The following CACNA2D3 variants were observed in gnomAD, a reference collection of about 807,000 sequenced individuals.
CACNA2D3 encodes calcium voltage-gated channel auxiliary subunit alpha2delta 3.
A neutral mutation model predicts 160.6 loss-of-function variants in CACNA2D3; 60 were observed. The ratio of observed to expected loss-of-function variants is 0.37; its 90% CI spans 0.30 to 0.46. The LOEUF is 0.46. Among genes scored for constraint, CACNA2D3 ranks in the 20% least tolerant of loss-of-function variants. The pLI is 1.00. For missense variants in CACNA2D3, 1,205 were observed against 1,365.0 expected, an observed-to-expected ratio of 0.88 and a Z score of 1.85; for synonymous variants, 558 against 492.9, an observed-to-expected ratio of 1.13 and a Z score of -1.75.
At chr3:54,606,417 G>T (rs1698626543) in intron 9 of CACNA2D3, among the ~76,000 whole-genome samples, 1 of 152,162 alleles carries the variant, frequency 6.6e-6, no homozygotes, top group Non-Finnish European at 1.5e-5. Flanking sequence ...TCAGGAAACA[G>T]AGGATGGTGG....
intron 2 of CACNA2D3, among the ~76,000 whole-genome samples, chr3:54,252,861 C>T (rs957900132): frequency 1.4e-5 from 2 of 146,130 alleles, no homozygotes; most frequent in African/African-American, 2.5e-5. Flanking sequence ...AAGAGAAGTG[C>T]AGCAGGATTA....
In CACNA2D3 at chr3:54,128,610, T is replaced by C. The variant is rs184704260; in HGVS notation, c.204+5016T>C. The stretch of plus-strand genomic sequence containing the variant: ...GCTATGATGCCAACAAACGGGCTTT[T>C]TCTTCACCCCAGCACATCTCCTCTG... On this transcript the variant is annotated intron_variant, in intron 2 of 37. Coordinates refer to ENST00000474759, the MANE Select transcript of CACNA2D3 (RefSeq NM_018398.3). 2.6e-5 allele frequency among the ~76,000 whole-genome samples: 4 copies of C among 152,324 alleles called. No homozygotes were observed. The South Asian group carries it at 6.2e-4, about 24-fold the overall frequency.
At chr3:54,244,151 A>G (rs1702025174) in intron 2 of CACNA2D3, among the ~76,000 whole-genome samples, 1 of 152,242 alleles carries the variant, frequency 6.6e-6, no homozygotes, top group East Asian at 1.9e-4. Context: ...GCGACCGTGG[A>G]GTGAGCGCCC....
intron 14 of CACNA2D3, among the ~76,000 whole-genome samples, chr3:54,830,715 G>A (rs910211341): frequency 3.9e-5 from 6 of 152,032 alleles, no homozygotes; most frequent in African/African-American, 1.4e-4. Context: ...CAAAGTGCTG[G>A]GATTTGGCCA....
chr3:54,818,262 C>T (rs1169934238), intron 14 of CACNA2D3, among the ~76,000 whole-genome samples: 1 of 152,224 alleles, frequency 6.6e-6, no homozygotes, highest in Non-Finnish European at 1.5e-5. Context: ...TCGGCTCACG[C>T]AATCTCCACC....
chr3:55,036,595 G>A lies in CACNA2D3; in HGVS notation c.2987+18278G>A, dbSNP rs534081394. 1.8e-3 allele frequency among the ~76,000 whole-genome samples: 276 copies of A among 151,954 alleles called. 1 individual carries two copies. The Middle Eastern group carries it at 0.024, about 13-fold the overall frequency. On this transcript the variant is annotated intron_variant, in intron 35 of 37. Transcript: ENST00000474759. ...CGATTCTCCTGCTTCAGCCTCCCAA[G>A]TAACTGGGATTACAGGCGTGTGCCA...
chr3:54,198,468 G>A (rs949587877), intron 2 of CACNA2D3, among the ~76,000 whole-genome samples: 2 of 152,234 alleles, frequency 1.3e-5, no homozygotes, highest in African/African-American at 4.8e-5. Context: ...CCTCAATAGA[G>A]TATTGATGGG....
intron 4 of CACNA2D3, among the ~76,000 whole-genome samples, chr3:54,499,571 G>T (rs1701255414): frequency 6.6e-6 from 1 of 151,764 alleles, no homozygotes; most frequent in South Asian, 2.1e-4. Flanking sequence ...TGTAAGCTTT[G>T]CTTTTGCTAC....
At chr3:54,227,911 TCTG>T (rs1355123406) in intron 2 of CACNA2D3, among the ~76,000 whole-genome samples, 1 of 152,190 alleles carries the variant, frequency 6.6e-6, no homozygotes, top group African/African-American at 2.4e-5. Context: ...AAGCTGTTCT[TCTG>T]AGCCACCCAT....
At chr3:55,035,150 G>A (rs1166426535) in intron 35 of CACNA2D3, among the ~76,000 whole-genome samples, 1 of 152,174 alleles carries the variant, frequency 6.6e-6, no homozygotes. Flanking sequence ...GCTAGGAGAA[G>A]CCTGTTTGTA....
intron 4 of CACNA2D3, among the ~76,000 whole-genome samples, chr3:54,475,809 T>TCGTGTGTGTG (rs138448154): frequency 7.0e-6 from 1 of 142,726 alleles, no homozygotes; most frequent in Non-Finnish European, 1.5e-5. Flanking sequence ...TGGTTACCAT[T>TCGTGTGTGTG]TGTGTGTGTG....
At chr3:54,265,417 A>G (rs56923681) in intron 2 of CACNA2D3, among the ~76,000 whole-genome samples, 14,085 of 152,056 alleles carry the variant, frequency 0.093, 898 homozygotes, top group East Asian at 0.33. Flanking sequence ...GGAGAGCACT[A>G]GGGAAATACC....
chr3:54,206,159 G>A (rs1169786698), intron 2 of CACNA2D3, among the ~76,000 whole-genome samples: 1 of 152,196 alleles, frequency 6.6e-6, no homozygotes, highest in African/African-American at 2.4e-5. Context: ...TTGGGAAAGG[G>A]GAGTGGTCTC....
Position 54,763,746 on chromosome 3 carries a change from TGCATATATATAC to T in CACNA2D3, c.1247-471_1247-460del, listed in dbSNP as rs1234185966. Among the ~76,000 whole-genome samples the T allele has an allele frequency of 3.8e-3, 345 of 91,996 alleles. 28 individuals are homozygous for T. Among genetic ancestry groups the T allele is most frequent in the East Asian group, 0.011 (27 of 2,364 alleles). 60.4% of individuals were successfully genotyped at this position (91,996 alleles called of 152,430 possible). ...ATATACATATATATGTGTATATATG[TGCATATATATAC>T]ACATATATATGTATATATGTACATA... is the stretch of plus-strand genomic sequence containing the variant. On this transcript the variant is annotated intron_variant, in intron 12 of 37. Transcript: ENST00000474759.
At chr3:54,662,170 G>A (rs960487451) in intron 11 of CACNA2D3, among the ~76,000 whole-genome samples, 7 of 152,180 alleles carry the variant, frequency 4.6e-5, no homozygotes, top group East Asian at 1.9e-4. Context: ...CTGTGTGTGC[G>A]TTTGTGTGTA....
At chr3:54,535,985 G>A (rs1273984346) in intron 5 of CACNA2D3, among the ~76,000 whole-genome samples, 2 of 152,176 alleles carry the variant, frequency 1.3e-5, no homozygotes, top group East Asian at 3.9e-4. Flanking sequence ...AAAATTAGAA[G>A]TTTCAACTTA....
intron 4 of CACNA2D3, among the ~76,000 whole-genome samples, chr3:54,436,498 A>G (rs1248786741): frequency 1.3e-5 from 2 of 152,332 alleles, no homozygotes; most frequent in East Asian, 1.9e-4. Flanking sequence ...TTGCAGCACT[A>G]TTTACAATAG....
intron 2 of CACNA2D3, among the ~76,000 whole-genome samples, chr3:54,125,302 T>C (rs1699568667): frequency 6.6e-6 from 1 of 151,782 alleles, no homozygotes; most frequent in African/African-American, 2.4e-5. Flanking sequence ...ACCTTATTAT[T>C]TGCTACTCTA....
rs902705935 is a variant in CACNA2D3, at chr3:54,468,703, G to A, written c.382-34789G>A. Among the ~76,000 whole-genome samples, 3 of 152,310 alleles carry A rather than the reference G, an allele frequency of 2.0e-5. No homozygotes were observed. In the East Asian group the frequency reaches 5.8e-4, roughly 29 times the overall value. The stretch of plus-strand genomic sequence containing the variant: ...GATTGAAATTCTTGCTGCTAGCACA[G>A]CAGTCTGAAGTCTACCTGGGATGCT... On this transcript the variant is annotated intron_variant, in intron 4 of 37. Transcript: ENST00000474759.
Sources: allele counts gnomAD v4.1 joint callset (sites outside exome capture counted in the v4.1 genomes callset), GRCh38; gene constraint gnomAD v4.1.1; transcripts MANE v1.5; gene names NCBI Gene and HGNC (gene_info 2026-07-23, HGNC 2026-07-21).